Variants in PPRC1 observed in about 807,000 individuals in gnomAD.
PPRC1 encodes PPARG related coactivator 1.
A neutral mutation model predicts 132.5 loss-of-function variants in PPRC1; 23 were observed. The observed-to-expected ratio is 0.17, with a 90% CI of 0.12 to 0.25. PPRC1 has a LOEUF of 0.25. Among genes scored for constraint, PPRC1 ranks in the 10% least tolerant of loss-of-function variants. PPRC1 has a pLI of 1.00. For synonymous variants in PPRC1, 872 were observed against 833.5 expected (o/e 1.05, Z -0.80); for missense variants, 2,006 against 2,089.1 (o/e 0.96, Z 0.78).
intron 1 of PPRC1, among the ~76,000 whole-genome samples, chr10:102,136,488 T>C (rs547928919): frequency 6.6e-6 from 1 of 152,300 alleles, no homozygotes; most frequent in Non-Finnish European, 1.5e-5. Context: ...TTATCCACAG[T>C]TTCTGTTAAC....
Position 102,141,108 on chromosome 10 carries a change from C to T in PPRC1, c.2600C>T (p.Pro867Leu). The T allele has an allele frequency of 6.2e-7, 1 of 1,614,110 alleles. No individual in the cohort carries two copies. Among genetic ancestry groups the T allele is most frequent in the South Asian group, 1.1e-5 (1 of 91,084 alleles). ...RPSPPVQSVS[P>L]AVPTPPSMSA... Reference sequence around the variant, plus strand: ...TCCCCTCCTGTGCAGTCTGTGTCCCCTGCTGTGCCCACACCTCCCTCGATG... The same window carrying T: ...TCCCCTCCTGTGCAGTCTGTGTCCCTTGCTGTGCCCACACCTCCCTCGATG... The change falls in exon 5 of 14, where the codon CCT becomes CTT. Residue 867 changes from proline (P) to leucine (L), a missense_variant. By Grantham distance (98) the Pro-to-Leu change is moderately conservative (BLOSUM62 -3). Transcript: ENST00000278070.
chr10:102,141,281 T>G lies in PPRC1; in HGVS notation c.2773T>G (p.Cys925Gly). Residue 925 changes from cysteine to glycine, a missense_variant, in exon 5 of 14, where the codon TGT becomes GGT. This residue lies in a region of PPRC1 where 1,914 missense variants were observed against 1,917.2 expected (regional missense o/e 1.00). Transcript: ENST00000278070. ...CTATGCCCCCTTGCCATCCTGGCCT[T>G]GTTATCCTCATGTGTCCCCTTCTGG... ...THYAPLPSWPCYPHVSPSGYP... is the reference protein window; with the variant it reads ...THYAPLPSWPGYPHVSPSGYP... 2 of 1,614,046 alleles carry G rather than the reference T, an allele frequency of 1.2e-6. No homozygotes were observed. Among genetic ancestry groups the G allele is most frequent in the Non-Finnish European group, 1.7e-6 (2 of 1,179,968 alleles).
chr10:102,138,076 G>T (rs781078010), intron 2 of PPRC1, 38 bp downstream of exon 2: 4 of 1,588,788 alleles, frequency 2.5e-6, no homozygotes, highest in Non-Finnish European at 2.6e-6. Context: ...TCAAGCAGGA[G>T]GTTTACATGG....
intron 2 of PPRC1, 102 bp downstream of exon 2, chr10:102,138,140 C>T (rs2068794527): frequency 8.1e-7 from 1 of 1,240,700 alleles, no homozygotes; most frequent in South Asian, 1.6e-5. Context: ...ACCTTAGCTT[C>T]TTCCTGGGTG....
At chr10:102,136,768 C>T (rs1027041275) in intron 1 of PPRC1, among the ~76,000 whole-genome samples, 19 of 152,182 alleles carry the variant, frequency 1.2e-4, no homozygotes, top group African/African-American at 4.6e-4. Context: ...GGGGGGACTA[C>T]TGTAGTGGAG....
chr10:102,126,734 C>T, the PPRC1 span, among the ~76,000 whole-genome samples: 1 of 152,030 alleles, frequency 6.6e-6, no homozygotes, highest in Non-Finnish European at 1.5e-5. Context: ...GCTAGGATTA[C>T]AGGTGTAAGA....
Position 102,139,500 on chromosome 10 carries a change from A to G in PPRC1, c.992A>G (p.Gln331Arg), listed in dbSNP as rs1182264591. The change falls in exon 5 of 14, where the codon CAG (glutamine) becomes CGG (arginine). Residue 331 changes from glutamine (Q) to arginine (R), a missense_variant. Transcript: ENST00000278070. ...CTGGCATCACTTGAGGATGAGCTTC[A>G]GGAGCAGCCAGATGATTTGACACTG... ...THLASLEDEL[Q>R]EQPDDLTLPE... 6.2e-7 allele frequency: 1 copy of G among 1,614,074 alleles called. No individual in the cohort carries two copies. The highest frequency in any genetic ancestry group is 1.7e-5 in the Admixed American group (1 of 60,020).
In PPRC1 at chr10:102,139,314, G is replaced by A; in HGVS notation, c.806G>A (p.Ser269Asn). Residue 269 changes from serine (S) to asparagine (N), a missense_variant, in exon 5 of 14, where the codon AGC becomes AAC. By Grantham distance (46) the Ser-to-Asn change is conservative. Transcript: ENST00000278070. ...ILAGELDNCV[S>N]SIPDFPMHLA... is the part of the protein sequence containing the mutation. Reference sequence around the variant, plus strand: ...GCCGGGGAGCTTGACAACTGTGTGAGCAGTATCCCGGACTTCCCCATGCAT... The same window carrying A: ...GCCGGGGAGCTTGACAACTGTGTGAACAGTATCCCGGACTTCCCCATGCAT... 2 of 1,614,206 alleles carry A rather than the reference G, an allele frequency of 1.2e-6. No homozygotes were observed. The highest frequency in any genetic ancestry group is 1.7e-6 in the Non-Finnish European group (2 of 1,180,028).
At chr10:102,120,015 C>T in the PPRC1 span, 18 of 1,267,786 alleles carry the variant, frequency 1.4e-5, no homozygotes, top group Admixed American at 5.9e-5. Flanking sequence ...AAGTTCTCGC[C>T]AAACACGGGG....
At position 102,147,012 on chromosome 10, in the gene PPRC1, T is replaced by A. The variant is rs746674896; in HGVS notation, c.4020T>A (p.Ala1340=). ...TIKPVLSLGP[A]APPPPCIAAS... is the part of the protein sequence containing the mutation. ...AACCTGTCTTGTCCTTGGGCCCAGC[T>A]GCCCCTCCGCCCCCATGCATAGCTG... Residue 1340 remains alanine (A), a synonymous_variant, in exon 9 of 14, where the codon GCT becomes GCA. Coordinates refer to ENST00000278070, the MANE Select transcript of PPRC1 (RefSeq NM_015062.5). 6.2e-7 allele frequency: 1 copy of A among 1,614,152 alleles called. No homozygotes were observed. Among genetic ancestry groups the A allele is most frequent in the Non-Finnish European group, 8.5e-7 (1 of 1,179,996 alleles).
chr10:102,148,588 G>A lies in PPRC1; in HGVS notation c.4551-40G>A. The A allele has an allele frequency of 1.2e-6, 2 of 1,613,660 alleles. No individual in the cohort carries two copies. The highest frequency in any genetic ancestry group is 1.7e-6 in the Non-Finnish European group (2 of 1,179,554). ...GTGCCTAAGAGTTGAGTCTTGAATTGTCTTATGTTTGGGGGGCTGATGACA... is the reference window on the plus strand; with the variant it reads ...GTGCCTAAGAGTTGAGTCTTGAATTATCTTATGTTTGGGGGGCTGATGACA... On this transcript the variant is annotated intron_variant, in intron 10 of 13. Coordinates refer to ENST00000278070, the MANE Select transcript of PPRC1 (RefSeq NM_015062.5). The surrounding 1 kb of genome is among the most constrained non-coding windows in gnomAD (Gnocchi z 4.2).
chr10:102,131,533 G>A (rs567763001), upstream of PPRC1, among the ~76,000 whole-genome samples: 4 of 152,234 alleles, frequency 2.6e-5, no homozygotes, highest in Admixed American at 2.6e-4. Flanking sequence ...TGTTTAACTC[G>A]GCACTTGAAT....
At chr10:102,145,535 C>T (rs1325275684) in intron 8 of PPRC1, among the ~76,000 whole-genome samples, 2 of 148,192 alleles carry the variant, frequency 1.3e-5, no homozygotes, top group Non-Finnish European at 3.0e-5. Flanking sequence ...CGTGCCACTG[C>T]ACTCCAGCCT....
At chr10:102,133,987 T>C (rs1158067071) in intron 1 of PPRC1, among the ~76,000 whole-genome samples, 1 of 151,276 alleles carries the variant, frequency 6.6e-6, no homozygotes, top group East Asian at 1.9e-4. Flanking sequence ...TGGCTGAGTG[T>C]GATGGGGAGG....
intron 5 of PPRC1, among the ~76,000 whole-genome samples, chr10:102,142,400 CTTTTTTTTTTTTTT>C (rs71016364): frequency 1.5e-4 from 9 of 61,196 alleles, no homozygotes; most frequent in Non-Finnish European, 2.2e-4. Context: ...TGCACCATGC[CTTTTTTTTTTTTTT>C]TTTTTTTTTT....
upstream of PPRC1, chr10:102,132,972 C>CT (rs1213392467): frequency 4.9e-6 from 6 of 1,229,548 alleles, no homozygotes; most frequent in East Asian, 1.6e-4. Context: ...GATTCGTAGT[C>CT]TTGCAGTGTC....
chr10:102,120,396 CGTGTGCGT>C, the PPRC1 span: 1 of 984,130 alleles, frequency 1.0e-6, no homozygotes, highest in Non-Finnish European at 1.2e-6. Flanking sequence ...TGCGCGTGTG[CGTGTGCGT>C]GTCTGTGCGC....
At chr10:102,144,975 T>C (rs544714163) in intron 7 of PPRC1, 45 bp from the exon 8 acceptor site, 53 of 1,441,944 alleles carry the variant, frequency 3.7e-5, no homozygotes, top group Non-Finnish European at 5.0e-5. Flanking sequence ...GTATAAGATA[T>C]TGAGAAGGCA....
chr10:102,137,889 A>G lies in PPRC1; in HGVS notation c.193A>G (p.Ser65Gly), dbSNP rs2068784346. ...HEEAGDSGFV[S>G]LSRLGPSLRD... Reference sequence around the variant, plus strand: ...GGAGGCGGGTGATTCTGGCTTTGTCAGTCTCTCTCGGCTGGGCCCATCTCT... The same window carrying G: ...GGAGGCGGGTGATTCTGGCTTTGTCGGTCTCTCTCGGCTGGGCCCATCTCT... Residue 65 changes from serine to glycine, a missense_variant, in exon 2 of 14, where the codon AGT (serine) becomes GGT (glycine). This residue lies in a region of PPRC1 where 1,914 missense variants were observed against 1,917.2 expected (regional missense o/e 1.00). Coordinates refer to ENST00000278070, the MANE Select transcript of PPRC1 (RefSeq NM_015062.5). The G allele has an allele frequency of 6.2e-7, 1 of 1,613,706 alleles. No homozygotes were observed. The highest frequency in any genetic ancestry group is 1.3e-5 in the African/African-American group (1 of 74,806).
Sources: gnomAD v4.1 joint callset for allele counts (sites outside exome capture counted in the v4.1 genomes callset) on GRCh38, gnomAD v4.1.1 for gene constraint, gnomAD v4.1.1 regional missense constraint, Gnocchi (gnomAD v3.1) non-coding constraint, MANE v1.5 for transcripts, NCBI Gene and HGNC (gene_info 2026-07-23, HGNC 2026-07-21) for gene names.